C16orf96: variants seen among roughly 807,000 people sequenced by gnomAD.
C16orf96 encodes the protein uncharacterized protein C16orf96.
In C16orf96, 108 loss-of-function variants were observed where a neutral mutation model predicts 103.6. The ratio of observed to expected loss-of-function variants is 1.04; its 90% confidence interval spans 0.89 to 1.22. The LOEUF is 1.22. C16orf96 is among the 50% of genes most tolerant of loss of function. The probability of loss-of-function intolerance (pLI) is 0.00; values close to 1 mark genes in which losing one functional copy is unlikely to be tolerated. For synonymous variants in C16orf96, 566 were observed against 593.5 expected, an observed-to-expected ratio of 0.95 and a Z score of 0.67; for missense variants, 1,586 against 1,464.2, an observed-to-expected ratio of 1.08 and a Z score of -1.36.
chr16:4,576,596 C>T lies in C16orf96; in HGVS notation c.2116C>T (p.Gln706Ter). The change falls in exon 5 of 16, where the codon CAG (glutamine) becomes TAG (stop). Residue 706 changes from glutamine (Q) to a stop codon, truncating the protein, a stop_gained. Coordinates refer to ENST00000444310, the MANE Select transcript of C16orf96 (RefSeq NM_001145011.2). LOFTEE classifies it high-confidence loss of function. The part of the protein sequence containing the change: ...KHDSLKEEFA[Q>*]LSCNLNQRLS... ...CGACTCTCTGAAGGAAGAATTTGCC[C>T]AGCTGTCCTGTAACCTGAACCAGCG... 1.3e-6 allele frequency: 2 copies of T among 1,551,582 alleles called. No homozygotes were observed. Among genetic ancestry groups the T allele is most frequent in the South Asian group, 1.2e-5 (1 of 84,050 alleles).
chr16:4,540,178 CA>C, the C16orf96 span, among the ~76,000 whole-genome samples: 1 of 152,132 alleles, frequency 6.6e-6, no homozygotes, highest in African/African-American at 2.4e-5. Flanking sequence ...AGACAGTATA[CA>C]AGGAAACCAC....
At chr16:4,549,741 T>C in the C16orf96 span, among the ~76,000 whole-genome samples, 1 of 152,188 alleles carries the variant, frequency 6.6e-6, no homozygotes, top group African/African-American at 2.4e-5. Flanking sequence ...GAGGTTGCAG[T>C]GAGCCAAGAC....
In C16orf96 at chr16:4,600,394, C is replaced by T. The variant is rs1897259216; in HGVS notation, c.*77C>T. 3 of 1,057,276 alleles carry T rather than the reference C, an allele frequency of 2.8e-6. No homozygotes were observed. The highest frequency in any genetic ancestry group is 1.4e-5 in the South Asian group (1 of 69,938). 65.5% of individuals were successfully genotyped at this position (1,057,276 alleles called of 1,614,324 possible). A position where few individuals can be genotyped will look rare whatever the true frequency, so the allele number is the denominator to read the frequency against. ...GAGGCCCATGTGGCCCTCCCACTCC[C>T]ACCAAGTCCCCTCCACATCGGAGGC... On this transcript the variant is annotated 3_prime_UTR_variant, in exon 16 of 16. Coordinates refer to ENST00000444310, the MANE Select transcript of C16orf96 (RefSeq NM_001145011.2).
rs1029434801 is a variant in C16orf96, at chr16:4,565,188, G to A, written c.421-6373G>A. ...GCCCTCTTGAGAGAGAGAGAGAGCA[G>A]GTTTGGACAAGCCCTGCCTCGAGGA... is the stretch of plus-strand genomic sequence containing the variant. On this transcript the variant is annotated intron_variant, in intron 1 of 15. Transcript: ENST00000444310. Among the ~76,000 whole-genome samples, 4 of 152,254 alleles carry A rather than the reference G, an allele frequency of 2.6e-5. No homozygotes were observed. In the South Asian group the frequency reaches 6.2e-4, roughly 24 times the overall value.
chr16:4,594,624 C>T lies in C16orf96; in HGVS notation c.3028-80C>T. The T allele has an allele frequency of 1.9e-6, 3 of 1,538,986 alleles. No individual in the cohort carries two copies. In the South Asian group the frequency reaches 3.6e-5, roughly 18 times the overall value. On this transcript the variant is annotated intron_variant, in intron 13 of 15. Coordinates refer to ENST00000444310, the MANE Select transcript of C16orf96 (RefSeq NM_001145011.2). ...CCCCAGCAGAGGCTGCACTCTGTCTCCTGGGCTTCTGCGTGTACCAAAGTT... is the reference window on the plus strand; with the variant it reads ...CCCCAGCAGAGGCTGCACTCTGTCTTCTGGGCTTCTGCGTGTACCAAAGTT...
At chr16:4,546,283 C>T in the C16orf96 span, among the ~76,000 whole-genome samples, 13 of 151,650 alleles carry the variant, frequency 8.6e-5, no homozygotes, top group South Asian at 4.2e-4. Context: ...CTCAGCCTCC[C>T]GAGTAGCTGG....
chr16:4,587,750 C>T (rs1896962744), intron 8 of C16orf96, among the ~76,000 whole-genome samples: 1 of 151,894 alleles, frequency 6.6e-6, no homozygotes, highest in Admixed American at 6.6e-5. Flanking sequence ...GCCTGGGAAA[C>T]ATAGGAAGAT....
At chr16:4,577,677 C>T (rs775570825) in intron 5 of C16orf96, among the ~76,000 whole-genome samples, 19 of 146,464 alleles carry the variant, frequency 1.3e-4, no homozygotes, top group Non-Finnish European at 2.0e-4. Context: ...AAACATTGGC[C>T]GTGTGCGGTG....
chr16:4,575,003 C>G lies in C16orf96; in HGVS notation c.638C>G (p.Pro213Arg), dbSNP rs964235535. The change falls in exon 4 of 16, where the codon CCC becomes CGC. Residue 213 changes from proline (P) to arginine (R), a missense_variant. Pro to Arg is a moderately radical substitution (Grantham distance 103). Coordinates refer to ENST00000444310, the MANE Select transcript of C16orf96 (RefSeq NM_001145011.2). The part of the protein sequence containing the change: ...ASLQNKFKTI[P>R]KTEDMVLWSG... Reference sequence around the variant, plus strand: ...CTCCAGAATAAGTTTAAAACCATCCCCAAAACCGAGGACATGGTGCTCTGG... The same window carrying G: ...CTCCAGAATAAGTTTAAAACCATCCGCAAAACCGAGGACATGGTGCTCTGG... The G allele has an allele frequency of 1.3e-6, 2 of 1,551,542 alleles. No homozygotes were observed. Among genetic ancestry groups the G allele is most frequent in the Non-Finnish European group, 1.7e-6 (2 of 1,147,018 alleles).
rs146459816 is a variant in C16orf96, at chr16:4,576,790, C to T, written c.2155+155C>T. Reference sequence around the variant, plus strand: ...TTTGGCTTAAGCATTTGGCTCTTAACGAGTCTATTCTTTTCTGTTGAATGT... The same window carrying T: ...TTTGGCTTAAGCATTTGGCTCTTAATGAGTCTATTCTTTTCTGTTGAATGT... On this transcript the variant is annotated intron_variant, in intron 5 of 15. Transcript: ENST00000444310. 2.7e-3 allele frequency among the ~76,000 whole-genome samples: 412 copies of T among 152,320 alleles called. 3 individuals carry two copies. Among genetic ancestry groups the T allele is most frequent in the Non-Finnish European group, 4.5e-3 (306 of 68,032 alleles).
chr16:4,564,681 C>T (rs1451334258), intron 1 of C16orf96, among the ~76,000 whole-genome samples: 2 of 152,140 alleles, frequency 1.3e-5, no homozygotes, highest in South Asian at 2.1e-4. Flanking sequence ...CATGGTGGTG[C>T]GTGCCTGTAG....
rs2059513335 is a variant in C16orf96 at position 4,576,579 on chromosome 16, T to C, written c.2099T>C (p.Leu700Pro). Residue 700 changes from leucine (L) to proline (P), a missense_variant, in exon 5 of 16, where the codon CTG becomes CCG. Coordinates refer to ENST00000444310, the MANE Select transcript of C16orf96 (RefSeq NM_001145011.2). ...CAGATACCTGTCAAACACGACTCTC[T>C]GAAGGAAGAATTTGCCCAGCTGTCC... ...IAQIPVKHDSLKEEFAQLSCN... is the reference protein window; with the variant it reads ...IAQIPVKHDSPKEEFAQLSCN... The C allele has an allele frequency of 6.4e-7, 1 of 1,551,588 alleles. No homozygotes were observed. Among genetic ancestry groups the C allele is most frequent in the Non-Finnish European group, 8.7e-7 (1 of 1,146,992 alleles).
upstream of C16orf96, among the ~76,000 whole-genome samples, chr16:4,553,635 G>A (rs556805629): frequency 7.6e-4 from 116 of 152,126 alleles, no homozygotes; most frequent in Admixed American, 2.1e-3. Flanking sequence ...GAGCCACTAC[G>A]CTCAGCTAAT....
chr16:4,597,579 G>A (rs1897200281), intron 14 of C16orf96, among the ~76,000 whole-genome samples: 1 of 150,256 alleles, frequency 6.7e-6, no homozygotes. Flanking sequence ...TTTTTGAGAC[G>A]GAGTTTCGCT....
At chr16:4,575,095 G>A in intron 4 of C16orf96, 37 bp downstream of exon 4, 1 of 1,550,394 alleles carries the variant, frequency 6.4e-7, no homozygotes, top group Non-Finnish European at 8.7e-7. Flanking sequence ...GCAGGAAGCT[G>A]GGGAGCAGGC....
chr16:4,547,936 G>A, the C16orf96 span, among the ~76,000 whole-genome samples: 67 of 151,860 alleles, frequency 4.4e-4, no homozygotes, highest in Admixed American at 2.0e-3. Flanking sequence ...CACTGCACCC[G>A]GCTGAGTTTT....
chr16:4,578,295 A>T (rs1446473683), intron 5 of C16orf96, among the ~76,000 whole-genome samples: 1 of 151,924 alleles, frequency 6.6e-6, no homozygotes, highest in Non-Finnish European at 1.5e-5. Context: ...GGCATGTGCC[A>T]CCAAGCCTGG....
Position 4,600,251 on chromosome 16 carries a change from C to G in C16orf96, c.3360C>G (p.Leu1120=). 6.4e-7 allele frequency: 1 copy of G among 1,551,576 alleles called. No individual in the cohort carries two copies. Among genetic ancestry groups the G allele is most frequent in the South Asian group, 1.2e-5 (1 of 84,066 alleles). ...AGCAGGCCCCAGGGTCCACCAGGCTCTCAAGAGCTCCACACATTGAGTCCC... is the reference window on the plus strand; with the variant it reads ...AGCAGGCCCCAGGGTCCACCAGGCTGTCAAGAGCTCCACACATTGAGTCCC... ...DPQQAPGSTR[L]SRAPHIESRV... is the part of the protein sequence containing the mutation. Residue 1120 remains leucine (L), a synonymous_variant, in exon 16 of 16, where the codon CTC becomes CTG. Coordinates refer to ENST00000444310, the MANE Select transcript of C16orf96 (RefSeq NM_001145011.2).
In C16orf96 at chr16:4,593,321, G is replaced by T. The variant is rs755585746; in HGVS notation, c.2867+5G>T. 1 of 1,550,152 alleles carries T rather than the reference G, an allele frequency of 6.5e-7. No homozygotes were observed. Among genetic ancestry groups the T allele is most frequent in the South Asian group, 1.2e-5 (1 of 83,978 alleles). ...CTTGCAGCGGCAACAGATGAGGTGA[G>T]CAGGATGGGCGCCCCGCAGGGAGGC... On this transcript the variant is annotated splice_donor_5th_base_variant and intron_variant, in intron 12 of 15. Transcript: ENST00000444310. This position sits in a 1 kb window ranked among gnomAD's most constrained non-coding sequence, Gnocchi z 4.2.
Sources: gnomAD v4.1 joint callset for allele counts (sites outside exome capture counted in the v4.1 genomes callset) on GRCh38, gnomAD v4.1.1 for gene constraint, Gnocchi (gnomAD v3.1) non-coding constraint, MANE v1.5 for transcripts, NCBI Gene and HGNC (gene_info 2026-07-23, HGNC 2026-07-21) for gene names.